Variants in NSD1 observed in about 807,000 individuals in gnomAD.
The protein encoded by NSD1 is histone-lysine N-methyltransferase, H3 lysine-36 specific.
A neutral mutation model predicts 242.7 loss-of-function variants in NSD1; 26 were observed. The ratio of observed to expected loss-of-function variants is 0.11; its 90% CI spans 0.08 to 0.15. NSD1 has a LOEUF of 0.15. Among genes scored for constraint, NSD1 ranks in the 10% least tolerant of loss-of-function variants. NSD1 has a pLI of 1.00. For missense variants in NSD1, 2,495 were observed against 3,272.8 expected, an observed-to-expected ratio of 0.76 and a Z score of 5.80; for synonymous variants, 1,106 against 1,178.1, an observed-to-expected ratio of 0.94 and a Z score of 1.25.
intron 17 of NSD1, among the ~76,000 whole-genome samples, chr5:177,276,815 A>G (rs1268492131): frequency 6.6e-6 from 1 of 152,212 alleles, no homozygotes; most frequent in Non-Finnish European, 1.5e-5. Flanking sequence ...TACCAAGATT[A>G]GATTAAAAAA....
intron 2 of NSD1, among the ~76,000 whole-genome samples, chr5:177,180,101 A>ATT (rs1177629072): frequency 2.9e-5 from 4 of 137,734 alleles, no homozygotes; most frequent in African/African-American, 1.1e-4. Flanking sequence ...TTATTTATTT[A>ATT]TTTTTTTTTT....
Position 177,251,840 on chromosome 5 carries a change from T to C in NSD1, c.4752T>C (p.Asn1584=), listed in dbSNP as rs1755990779. 1.2e-6 allele frequency: 2 copies of C among 1,614,212 alleles called. No individual in the cohort carries two copies. Among genetic ancestry groups the C allele is most frequent in the African/African-American group, 2.7e-5 (2 of 75,054 alleles). Residue 1584 remains asparagine, a synonymous_variant, in exon 12 of 23, where the codon AAT becomes AAC. Transcript: ENST00000439151. ...TGCCAAGAGGAAAATTTATCTGCAATGAATGTCGCACAGGTAAAGTAGATA... is the reference window on the plus strand; with the variant it reads ...TGCCAAGAGGAAAATTTATCTGCAACGAATGTCGCACAGGTAAAGTAGATA... The part of the protein sequence containing the change: ...TEMPRGKFIC[N]ECRTGIHTCF...
chr5:177,222,552 A>G (rs1429850305), intron 5 of NSD1, among the ~76,000 whole-genome samples: 1 of 152,178 alleles, frequency 6.6e-6, no homozygotes, highest in African/African-American at 2.4e-5. Flanking sequence ...GAGCAGTGGT[A>G]TCTCATTATG....
chr5:177,294,373 A>C lies in NSD1; in HGVS notation c.7005A>C (p.Pro2335=). Residue 2335 remains proline, a synonymous_variant, in exon 23 of 23, where the codon CCA becomes CCC. Coordinates refer to ENST00000439151, the MANE Select transcript of NSD1 (RefSeq NM_022455.5). ...PRPQLSDKPS[P]VTSPSSSPSV... ...CCCAGCTAAGCGACAAACCCTCTCC[A>C]GTGACCAGCCCAAGCTCCTCACCCT... The C allele has an allele frequency of 6.2e-7, 1 of 1,614,190 alleles. No homozygotes were observed. The highest frequency in any genetic ancestry group is 8.5e-7 in the Non-Finnish European group (1 of 1,180,026).
Position 177,293,820 on chromosome 5 carries a change from C to A in NSD1, c.6464-12C>A, listed in dbSNP as rs762449579. The A allele has an allele frequency of 6.2e-7, 1 of 1,613,796 alleles. No homozygotes were observed. Among genetic ancestry groups the A allele is most frequent in the African/African-American group, 1.3e-5 (1 of 74,854 alleles). Reference sequence around the variant, plus strand: ...TTTTTCCTAAACTTTTGATTTACTTCTGTGTTTTCAGGGAAATGGGAATGT... The same window carrying A: ...TTTTTCCTAAACTTTTGATTTACTTATGTGTTTTCAGGGAAATGGGAATGT... On this transcript the variant is annotated splice_polypyrimidine_tract_variant and intron_variant, in intron 22 of 22. Transcript: ENST00000439151.
Position 177,293,972 on chromosome 5 carries a change from T to C in NSD1, c.6604T>C (p.Cys2202Arg). 6.2e-7 allele frequency: 1 copy of C among 1,614,060 alleles called. No homozygotes were observed. The highest frequency in any genetic ancestry group is 8.5e-7 in the Non-Finnish European group (1 of 1,180,020). Residue 2202 changes from cysteine (C) to arginine (R), a missense_variant, in exon 23 of 23, where the codon TGT (cysteine) becomes CGT (arginine). Physicochemically the swap from Cys to Arg is radical, Grantham distance 180. Around this residue, in one of 19 missense-constraint regions of NSD1, gnomAD observed 33 missense variants for 134.8 expected, o/e 0.24. Coordinates refer to ENST00000439151, the MANE Select transcript of NSD1 (RefSeq NM_022455.5). ...FISKLDGRLSCTEHDPCGPNP... is the reference protein window; with the variant it reads ...FISKLDGRLSRTEHDPCGPNP... ...TTCCAAACTGGATGGGCGTCTGTCT[T>C]GTACTGAGCATGACCCCTGTGGGCC... is the stretch of plus-strand genomic sequence containing the variant.
chr5:177,270,234 A>G (rs1388120355), intron 16 of NSD1, among the ~76,000 whole-genome samples: 1 of 152,182 alleles, frequency 6.6e-6, no homozygotes. Flanking sequence ...TTGTAGAACA[A>G]ACTAGTAAAG....
In NSD1 at chr5:177,211,802, C is replaced by T; in HGVS notation, c.3403C>T (p.Pro1135Ser). Residue 1135 changes from proline to serine, a missense_variant, in exon 5 of 23, where the codon CCA becomes TCA. This residue lies in a region of NSD1 where 426 missense variants were observed against 411.4 expected (regional missense o/e 1.04). Transcript: ENST00000439151. ...ACTCTCTTTTGAAAACGGAAAAGGC[C>T]CAGAGCTGGACTCTGTAATGAACAG... ...KGLSFENGKG[P>S]ELDSVMNSEN... 6.2e-7 allele frequency: 1 copy of T among 1,613,984 alleles called. No individual in the cohort carries two copies. The highest frequency in any genetic ancestry group is 1.1e-5 in the South Asian group (1 of 91,076).
rs1445568284 is a variant in NSD1, at chr5:177,212,120, A to G, written c.3721A>G (p.Ser1241Gly). 4.3e-6 allele frequency: 7 copies of G among 1,614,158 alleles called. No homozygotes were observed. In the South Asian group the frequency reaches 6.6e-5, roughly 15 times the overall value. Residue 1241 changes from serine to glycine, a missense_variant, in exon 5 of 23, where the codon AGT becomes GGT. Physicochemically the swap from Ser to Gly is moderately conservative, Grantham distance 56. This residue lies in a region of NSD1 where 426 missense variants were observed against 411.4 expected (regional missense o/e 1.04). Coordinates refer to ENST00000439151, the MANE Select transcript of NSD1 (RefSeq NM_022455.5). ...ACGGTTAAATGTTTGTGATAAATCC[A>G]GTGCCAGCATTGGTGACATGGAAAA... ...GPRLNVCDKS[S>G]ASIGDMEKEP... is the part of the protein sequence containing the mutation.
At position 177,199,447 on chromosome 5, in the gene NSD1, G is replaced by A. The variant is rs117389802; in HGVS notation, c.1064-4673G>A. Among the ~76,000 whole-genome samples the A allele has an allele frequency of 7.2e-5, 11 of 152,168 alleles. No homozygotes were observed. The East Asian group carries it at 1.9e-3, about 27-fold the overall frequency. On this transcript the variant is annotated intron_variant, in intron 3 of 22. Coordinates refer to ENST00000439151, the MANE Select transcript of NSD1 (RefSeq NM_022455.5). ...TAATTTTTAAATTTTTTTATAGACA[G>A]GGTCTCCCTGTATTGCCCATGCTTG...
intron 2 of NSD1, among the ~76,000 whole-genome samples, chr5:177,141,989 A>G (rs1756865306): frequency 6.6e-6 from 1 of 152,078 alleles, no homozygotes; most frequent in East Asian, 1.9e-4. Flanking sequence ...GCCCACCACC[A>G]TGCCTGGCTA....
intron 2 of NSD1, among the ~76,000 whole-genome samples, chr5:177,181,866 A>T (rs535397400): frequency 6.8e-6 from 1 of 147,976 alleles, no homozygotes; most frequent in South Asian, 2.1e-4. Flanking sequence ...AAAATTTAAA[A>T]AATTAGCCAG....
intron 21 of NSD1, among the ~76,000 whole-genome samples, chr5:177,290,215 A>G (rs943779760): frequency 4.8e-5 from 7 of 147,322 alleles, no homozygotes; most frequent in Non-Finnish European, 1.0e-4. Context: ...TACTAGATGA[A>G]CATCTGGATA....
intron 11 of NSD1, among the ~76,000 whole-genome samples, chr5:177,248,970 C>T (rs1476232170): frequency 6.6e-6 from 1 of 152,088 alleles, no homozygotes; most frequent in Non-Finnish European, 1.5e-5. Flanking sequence ...TTAGAGTCTC[C>T]CTCTCCGTTT....
rs1376796279 is a variant in NSD1 at position 177,244,204 on chromosome 5, G to C, written c.4312G>C (p.Ala1438Pro). The part of the protein sequence containing the change: ...DLGLSKKCYE[A>P]GHLENGITES... ...TTTCACTTATTTATAGTGCTATGAA[G>C]CTGGTCACCTGGAGAATGGCATAAC... Residue 1438 changes from alanine to proline, a missense_variant, in exon 9 of 23, where the codon GCT (alanine) becomes CCT (proline). By Grantham distance (27) the Ala-to-Pro change is conservative (BLOSUM62 -1). Coordinates refer to ENST00000439151, the MANE Select transcript of NSD1 (RefSeq NM_022455.5). 6.2e-7 allele frequency: 1 copy of C among 1,612,002 alleles called. No homozygotes were observed. Among genetic ancestry groups the C allele is most frequent in the South Asian group, 1.1e-5 (1 of 90,962 alleles).
At chr5:177,156,267 G>A (rs1758131134) in intron 2 of NSD1, among the ~76,000 whole-genome samples, 1 of 134,580 alleles carries the variant, frequency 7.4e-6, no homozygotes, top group African/African-American at 2.9e-5. Context: ...TGCAACCTCT[G>A]CCTCCTGGGT....
chr5:177,287,684 G>A (rs1282385572), intron 20 of NSD1, among the ~76,000 whole-genome samples: 1 of 152,028 alleles, frequency 6.6e-6, no homozygotes, highest in Admixed American at 6.6e-5. Context: ...ATAGAACCAC[G>A]AAAGATTCAA....
chr5:177,135,061 T>G lies in NSD1; in HGVS notation c.-17-26T>G, dbSNP rs747729366. 3.1e-6 allele frequency: 5 copies of G among 1,600,450 alleles called. No individual in the cohort carries two copies. In the South Asian group the frequency reaches 4.4e-5, roughly 14 times the overall value. ...GAGTCAGATGGCCTATTAACTCAGATTAATTGCTGTGCTTTTGGATTCCAG... is the reference window on the plus strand; with the variant it reads ...GAGTCAGATGGCCTATTAACTCAGAGTAATTGCTGTGCTTTTGGATTCCAG... On this transcript the variant is annotated intron_variant, in intron 1 of 22. Transcript: ENST00000439151.
At chr5:177,266,591 T>C (rs1047456686) in intron 14 of NSD1, 2 of 673,872 alleles carry the variant, frequency 3.0e-6, no homozygotes, top group African/African-American at 1.9e-5. Context: ...GCCGCCATCT[T>C]CACCCGCACC....
Sources: allele counts gnomAD v4.1 joint callset (sites outside exome capture counted in the v4.1 genomes callset), GRCh38; gene constraint gnomAD v4.1.1; regional missense constraint gnomAD v4.1.1; transcripts MANE v1.5; gene names NCBI Gene and HGNC (gene_info 2026-07-23, HGNC 2026-07-21).